The following FTCDNL1 variants were observed in gnomAD, a reference collection of about 807,000 sequenced individuals.
The protein encoded by FTCDNL1 is formiminotransferase N-terminal subdomain-containing protein.
FTCDNL1 carries 11 observed loss-of-function variants against 5.9 expected under a neutral mutation model. That is an observed-to-expected ratio of 1.87 (90% CI 1.18 to 3.10). The LOEUF is 3.10. FTCDNL1 is among the 30% of genes most tolerant of loss of function. The pLI is 0.00. For synonymous variants in FTCDNL1, 58 were observed against 24.8 expected (o/e 2.34, Z -3.99); for missense variants, 115 against 65.5 (o/e 1.76, Z -2.61).
chr2:199,746,005 G>C, the FTCDNL1 span, among the ~76,000 whole-genome samples: 2 of 152,120 alleles, frequency 1.3e-5, no homozygotes, highest in Non-Finnish European at 1.5e-5. Context: ...TCCACAACAT[G>C]GATCAGATTT....
intron 3 of FTCDNL1, among the ~76,000 whole-genome samples, chr2:199,829,776 A>ATTTT (rs1389347142): frequency 6.6e-6 from 1 of 152,216 alleles, no homozygotes; most frequent in Non-Finnish European, 1.5e-5. Flanking sequence ...TCAGCAGCTC[A>ATTTT]AGGAATATAA....
At chr2:199,787,771 A>C (rs894528105) in intron 3 of FTCDNL1, among the ~76,000 whole-genome samples, 1 of 152,234 alleles carries the variant, frequency 6.6e-6, no homozygotes, top group African/African-American at 2.4e-5. Flanking sequence ...TTTGACTGTA[A>C]TTCTAGAGTC....
intron 1 of FTCDNL1, among the ~76,000 whole-genome samples, chr2:199,849,449 A>G (rs543969816): frequency 1.3e-5 from 2 of 152,354 alleles, no homozygotes; most frequent in East Asian, 3.9e-4. Flanking sequence ...GAAAGTGTCT[A>G]CAGGCCATGC....
intron 3 of FTCDNL1, among the ~76,000 whole-genome samples, chr2:199,801,343 G>A (rs1185407306): frequency 6.6e-6 from 1 of 152,182 alleles, no homozygotes; most frequent in Non-Finnish European, 1.5e-5. Flanking sequence ...GGGGCCCAGT[G>A]CAAAATGAAA....
At chr2:199,674,454 C>T in the FTCDNL1 span, among the ~76,000 whole-genome samples, 1 of 152,092 alleles carries the variant, frequency 6.6e-6, no homozygotes, top group Non-Finnish European at 1.5e-5. Context: ...AGCTCAGATC[C>T]TCCTGGATTA....
At chr2:199,726,838 G>A in the FTCDNL1 span, among the ~76,000 whole-genome samples, 1 of 152,276 alleles carries the variant, frequency 6.6e-6, no homozygotes, top group East Asian at 1.9e-4. Flanking sequence ...GAACACTCCT[G>A]TATAAGGTGT....
chr2:199,674,617 GC>G, the FTCDNL1 span, among the ~76,000 whole-genome samples: 4 of 152,142 alleles, frequency 2.6e-5, no homozygotes, highest in African/African-American at 7.2e-5. Flanking sequence ...AGATTCCTTA[GC>G]CCAGTATGCA....
At chr2:199,816,337 A>G (rs562601962) in intron 4 of FTCDNL1, among the ~76,000 whole-genome samples, 3 of 152,294 alleles carry the variant, frequency 2.0e-5, no homozygotes, top group South Asian at 4.1e-4. Context: ...AAAAAGGCAT[A>G]TAGGGGAAAA....
the FTCDNL1 span, among the ~76,000 whole-genome samples, chr2:199,686,006 T>G: frequency 6.6e-6 from 1 of 152,194 alleles, no homozygotes; most frequent in African/African-American, 2.4e-5. Context: ...TATTGAGAAA[T>G]GAGTATACTC....
At chr2:199,683,159 CAAG>C in the FTCDNL1 span, among the ~76,000 whole-genome samples, 4 of 152,138 alleles carry the variant, frequency 2.6e-5, no homozygotes, top group South Asian at 2.1e-4. Flanking sequence ...TCATCTTTTA[CAAG>C]AAGAATGATC....
At chr2:199,749,173 G>A in the FTCDNL1 span, among the ~76,000 whole-genome samples, 1 of 152,084 alleles carries the variant, frequency 6.6e-6, no homozygotes, top group South Asian at 2.1e-4. Flanking sequence ...TCATCACCTG[G>A]GGCACATACC....
the FTCDNL1 span, among the ~76,000 whole-genome samples, chr2:199,717,509 A>ATTTTTTTTTTTTTTTTTTTT: frequency 1.7e-4 from 10 of 57,688 alleles, no homozygotes; most frequent in East Asian, 2.8e-3. Flanking sequence ...CAAGGCAGAG[A>ATTTTTTTTTTTTTTTTTTTT]TTTTTTTTTT....
chr2:199,718,980 T>C, the FTCDNL1 span, among the ~76,000 whole-genome samples: 15 of 152,182 alleles, frequency 9.9e-5, no homozygotes, highest in African/African-American at 3.6e-4. Context: ...GCAAATTTTT[T>C]TTCCCATTCT....
intron 3 of FTCDNL1, among the ~76,000 whole-genome samples, chr2:199,767,357 A>G (rs563362270): frequency 5.3e-5 from 8 of 152,326 alleles, no homozygotes; most frequent in Middle Eastern, 6.8e-3. Flanking sequence ...AGCCAAGAAC[A>G]GTCAGCTTCT....
the FTCDNL1 span, among the ~76,000 whole-genome samples, chr2:199,691,751 T>C: frequency 2.0e-5 from 3 of 152,172 alleles, no homozygotes; most frequent in Non-Finnish European, 4.4e-5. Flanking sequence ...TGGTAGCAAA[T>C]ATAGCTCTGT....
intron 1 of FTCDNL1, 95 bp from the exon 2 acceptor site, chr2:199,849,064 A>T (rs1224207576): frequency 1.6e-6 from 1 of 636,788 alleles, no homozygotes; most frequent in Non-Finnish European, 2.8e-6. Context: ...GAAACGAAGC[A>T]GTCATAATAT....
chr2:199,759,428 T>C (rs969609979), downstream of FTCDNL1, among the ~76,000 whole-genome samples: 1 of 152,116 alleles, frequency 6.6e-6, no homozygotes, highest in Non-Finnish European at 1.5e-5. Context: ...CTAGCTGTGT[T>C]ACCTTGGGAG....
At chr2:199,692,530 T>A in the FTCDNL1 span, among the ~76,000 whole-genome samples, 1 of 152,220 alleles carries the variant, frequency 6.6e-6, no homozygotes, top group Non-Finnish European at 1.5e-5. Flanking sequence ...GCATATTTAG[T>A]AATGCGTTGC....
the FTCDNL1 span, among the ~76,000 whole-genome samples, chr2:199,692,805 G>A: frequency 6.6e-6 from 1 of 152,078 alleles, no homozygotes; most frequent in Non-Finnish European, 1.5e-5. Flanking sequence ...AGATGAGTTA[G>A]TAATACAGCT....
Sources: allele counts gnomAD v4.1 joint callset (sites outside exome capture counted in the v4.1 genomes callset), GRCh38; gene constraint gnomAD v4.1.1; transcripts MANE v1.5; gene names NCBI Gene and HGNC (gene_info 2026-07-23, HGNC 2026-07-21).